LCTL: variants seen among roughly 807,000 people sequenced by gnomAD.
LCTL encodes the protein lactase-like protein.
Under a neutral mutation model 75.8 loss-of-function variants are expected in LCTL, and 76 were observed. The observed-to-expected ratio is 1.00, with a 90% confidence interval of 0.83 to 1.21. LCTL has a LOEUF of 1.21. Among genes scored for constraint, LCTL ranks in the 50% most tolerant of loss-of-function variants. The pLI is 0.00. For synonymous variants in LCTL, 271 were observed against 268.8 expected (o/e 1.01, Z -0.08); for missense variants, 670 against 712.4 (o/e 0.94, Z 0.68).
chr15:66,553,959 C>G (rs1203311287), intron 8 of LCTL, among the ~76,000 whole-genome samples: 1 of 150,754 alleles, frequency 6.6e-6, no homozygotes, highest in Non-Finnish European at 1.5e-5. Flanking sequence ...AGTTCGCGAC[C>G]AGCCTGGCTA....
exon 12 of LCTL, chr15:66,550,099 T>C: frequency 6.3e-7 from 1 of 1,597,194 alleles, no homozygotes; most frequent in Non-Finnish European, 8.5e-7. Flanking sequence ...GGTACCAACT[T>C]TCCACCTAAT....
At chr15:66,551,286 G>A (rs536303577) in intron 11 of LCTL, among the ~76,000 whole-genome samples, 1 of 140,450 alleles carries the variant, frequency 7.1e-6, no homozygotes. Context: ...AGCGGAGGTT[G>A]CAGTGAGCCG....
At chr15:66,549,847 C>T (rs1895532166) in intron 12 of LCTL, 194 bp downstream of exon 13, 3 of 427,714 alleles carry the variant, frequency 7.0e-6, no homozygotes, top group South Asian at 5.9e-5. Flanking sequence ...AAATGTTTAT[C>T]TTTCATGGTA....
Position 66,563,513 on chromosome 15 carries a change from C to T in LCTL, c.480+3G>A. 1 of 1,608,236 alleles carries T rather than the reference C, an allele frequency of 6.2e-7. No individual in the cohort carries two copies. Among genetic ancestry groups the T allele is most frequent in the Non-Finnish European group, 8.5e-7 (1 of 1,176,222 alleles). On this transcript the variant is annotated splice_donor_region_variant and intron_variant, in intron 4 of 12. Transcript: ENST00000341509. ...GGGCCTGTGAGCCTGCTCAGGTCCT[C>T]ACCTGTGGCAGATCCCAGTGGTGCA...
chr15:66,553,352 G>A (rs914479250), intron 8 of LCTL, 94 bp from the exon 10 acceptor site: 14 of 1,122,936 alleles, frequency 1.2e-5, no homozygotes, highest in East Asian at 1.1e-4. Context: ...TGACATAAAC[G>A]GTGGGCTTTA....
exon 11 of LCTL, chr15:66,551,693 A>G: frequency 6.2e-7 from 1 of 1,614,118 alleles, no homozygotes; most frequent in Non-Finnish European, 8.5e-7. Context: ...ATTGGCAATG[A>G]TAATCTTCTT....
At chr15:66,565,132 G>A (rs1333195735) in intron 1 of LCTL, 116 bp downstream of exon 2, 2 of 776,632 alleles carry the variant, frequency 2.6e-6, no homozygotes, top group African/African-American at 3.5e-5. Context: ...CCACACAAAG[G>A]TAGGTTTCTC....
exon 9 of LCTL, chr15:66,553,018 G>T (rs1895648507): frequency 2.7e-6 from 4 of 1,495,888 alleles, no homozygotes; most frequent in Middle Eastern, 3.6e-4. Context: ...AAATCCCCAT[G>T]GCACAGAATA....
chr15:66,558,072 G>A (rs1895786668), intron 6 of LCTL, 36 bp from the exon 8 acceptor site: 1 of 1,555,064 alleles, frequency 6.4e-7, no homozygotes, highest in Admixed American at 1.9e-5. Flanking sequence ...TAGGTACCTG[G>A]CCCATCCATT....
chr15:66,557,749 A>T, exon 8 of LCTL: 1 of 1,614,078 alleles, frequency 6.2e-7, no homozygotes, highest in Non-Finnish European at 8.5e-7. Context: ...ACTTGGGGGT[A>T]GTCACCGGCA....
At chr15:66,551,542 C>T (rs1471749786) in intron 11 of LCTL, 120 bp downstream of exon 12, 15 of 753,182 alleles carry the variant, frequency 2.0e-5, no homozygotes, top group South Asian at 6.9e-5. Flanking sequence ...AGGGCCATGC[C>T]GCATGCCCCG....
At chr15:66,563,487 T>C in intron 4 of LCTL, 29 bp downstream of exon 5, 1 of 1,534,886 alleles carries the variant, frequency 6.5e-7, no homozygotes, top group South Asian at 1.1e-5. Flanking sequence ...GAGTCCCCTT[T>C]GGGCCTGTGA....
rs749786513 is a variant in LCTL at position 66,561,049 on chromosome 15, A to G, written c.662T>C (p.Leu221Pro). The G allele has an allele frequency of 6.2e-7, 1 of 1,614,100 alleles. No individual in the cohort carries two copies. Among genetic ancestry groups the G allele is most frequent in the African/African-American group, 1.3e-5 (1 of 75,026 alleles). The change falls in exon 6 of 13, where the codon CTC becomes CCC. Residue 221 changes from leucine to proline, a missense_variant. By Grantham distance (98) the Leu-to-Pro change is moderately conservative. Transcript: ENST00000341509. ...TGCCTTGTACAGGCCGGTGCCGCGG[A>G]GCTTCAGGCCCGGCGCATGGTGGCC... is the stretch of plus-strand genomic sequence containing the variant.
intron 3 of LCTL, 70 bp downstream of exon 4, chr15:66,563,841 G>T: frequency 8.2e-7 from 1 of 1,226,400 alleles, no homozygotes; most frequent in Non-Finnish European, 1.2e-6. Flanking sequence ...AGGACTCTGT[G>T]GTGCCCCTGC....
At position 66,565,223 on chromosome 15, in the gene LCTL, CAGACG is replaced by C. The variant is rs1895995049; in HGVS notation, c.118+20_118+24del. On this transcript the variant is annotated intron_variant, in intron 1 of 12. Transcript: ENST00000341509. ...GGCAGGTGGACGACAGACAGGCAGA[CAGACG>C]AACAGAGGCGTGGCCGTACCAAGAG... The C allele has an allele frequency of 1.4e-6, 2 of 1,477,036 alleles. No individual in the cohort carries two copies. Among genetic ancestry groups the C allele is most frequent in the Non-Finnish European group, 1.9e-6 (2 of 1,055,800 alleles). 91.5% of individuals were successfully genotyped at this position (1,477,036 alleles called of 1,614,324 possible). A position where few individuals can be genotyped will look rare whatever the true frequency, so the allele number is the denominator to read the frequency against.
At chr15:66,564,708 C>G in exon 2 of LCTL, 7 of 1,613,326 alleles carry the variant, frequency 4.3e-6, no homozygotes, top group Non-Finnish European at 5.9e-6. Flanking sequence ...CAGGCTACAT[C>G]TGCCGTCTCA....
At chr15:66,553,245 T>C (rs1235732339) in exon 9 of LCTL, 15 of 1,564,444 alleles carry the variant, frequency 9.6e-6, no homozygotes, top group Non-Finnish European at 1.3e-5. Context: ...GGCCTTGCTC[T>C]GCACTCTTTC....
intron 9 of LCTL, 54 bp from the exon 11 acceptor site, chr15:66,552,223 T>A: frequency 1.3e-6 from 2 of 1,527,570 alleles, no homozygotes; most frequent in East Asian, 4.5e-5. Flanking sequence ...TACAGGTAGG[T>A]TTCTGAGTCA....
intron 8 of LCTL, among the ~76,000 whole-genome samples, 185 bp downstream of exon 9, chr15:66,557,537 T>C (rs1454871657): frequency 1.3e-5 from 2 of 152,098 alleles, no homozygotes; most frequent in Non-Finnish European, 2.9e-5. Flanking sequence ...TCTAGGGAAA[T>C]TGAGAGGTCT....
Sources: allele counts gnomAD v4.1 joint callset (sites outside exome capture counted in the v4.1 genomes callset), GRCh38; gene constraint gnomAD v4.1.1; transcripts MANE v1.5; gene names NCBI Gene and HGNC (gene_info 2026-07-23, HGNC 2026-07-21).